The following GPC5 variants were observed in gnomAD, a reference collection of about 807,000 sequenced individuals.
GPC5 encodes the protein glypican 5, also known as glypican-5.
Under a neutral mutation model 53.9 loss-of-function variants are expected in GPC5, and 47 were observed. The ratio of observed to expected loss-of-function variants is 0.87; its 90% CI spans 0.69 to 1.11. The LOEUF (loss-of-function observed/expected upper bound fraction) is 1.11, where lower values mean the gene tolerates loss of function less well. Among genes scored for constraint, GPC5 ranks in the 50% most tolerant of loss-of-function variants. The pLI is 0.00. For missense variants in GPC5, 748 were observed against 713.1 expected, an observed-to-expected ratio of 1.05 and a Z score of -0.56; for synonymous variants, 286 against 263.3, an observed-to-expected ratio of 1.09 and a Z score of -0.84.
chr13:91,749,489 G>A (rs921038050), intron 4 of GPC5, among the ~76,000 whole-genome samples: 9 of 152,264 alleles, frequency 5.9e-5, no homozygotes, highest in African/African-American at 1.4e-4. Flanking sequence ...ATAAACATAC[G>A]ACTACAGGTA....
chr13:92,581,956 T>G (rs1883387809), intron 7 of GPC5, among the ~76,000 whole-genome samples: 1 of 152,166 alleles, frequency 6.6e-6, no homozygotes, highest in Non-Finnish European at 1.5e-5. Context: ...TATCAACGCA[T>G]TACCAGATGC....
chr13:91,950,589 C>T (rs752015323), intron 6 of GPC5, among the ~76,000 whole-genome samples: 2 of 152,050 alleles, frequency 1.3e-5, no homozygotes, highest in Non-Finnish European at 1.5e-5. Context: ...GTTTTCTCTT[C>T]CTTAAAGTTA....
chr13:92,383,606 G>A (rs887297754), intron 7 of GPC5, among the ~76,000 whole-genome samples: 5 of 152,140 alleles, frequency 3.3e-5, no homozygotes, highest in African/African-American at 1.2e-4. Context: ...AAGAAACACA[G>A]AGGAAATGCT....
At chr13:92,293,902 C>T (rs2043015589) in intron 7 of GPC5, among the ~76,000 whole-genome samples, 1 of 152,026 alleles carries the variant, frequency 6.6e-6, no homozygotes, top group African/African-American at 2.4e-5. Flanking sequence ...AATCATAAAG[C>T]AATAATGGAT....
chr13:92,140,577 T>A (rs575129764), intron 6 of GPC5, among the ~76,000 whole-genome samples: 1 of 152,232 alleles, frequency 6.6e-6, no homozygotes, highest in Admixed American at 6.5e-5. Context: ...TATCACTCTT[T>A]CTGTGACCCA....
chr13:91,443,642 G>A (rs1880597143), intron 1 of GPC5, among the ~76,000 whole-genome samples: 1 of 152,192 alleles, frequency 6.6e-6, no homozygotes, highest in Admixed American at 6.5e-5. Context: ...ATTTCTTCAA[G>A]AAGCGCTGAT....
chr13:92,036,736 T>C (rs909223430), intron 6 of GPC5, among the ~76,000 whole-genome samples: 1 of 152,214 alleles, frequency 6.6e-6, no homozygotes, highest in Non-Finnish European at 1.5e-5. Context: ...CTGCTCCTAC[T>C]CCAGCCTTAA....
intron 7 of GPC5, among the ~76,000 whole-genome samples, chr13:92,547,551 CT>C (rs1882161567): frequency 6.6e-6 from 1 of 152,108 alleles, no homozygotes; most frequent in Admixed American, 6.6e-5. Context: ...AAGGAATTAT[CT>C]TCTTATACAT....
intron 7 of GPC5, among the ~76,000 whole-genome samples, chr13:92,446,206 C>T (rs1444664509): frequency 2.7e-5 from 4 of 150,696 alleles, no homozygotes; most frequent in African/African-American, 9.8e-5. Flanking sequence ...TTTTTTTTTA[C>T]CCAATAATTA....
intron 2 of GPC5, among the ~76,000 whole-genome samples, chr13:91,594,463 C>T (rs975180221): frequency 1.3e-5 from 2 of 152,242 alleles, no homozygotes; most frequent in African/African-American, 4.8e-5. Flanking sequence ...GTATGTCTCT[C>T]CTTGAGCTTT....
chr13:92,717,286 C>T (rs1006499407), intron 7 of GPC5, among the ~76,000 whole-genome samples: 5 of 152,112 alleles, frequency 3.3e-5, no homozygotes, highest in South Asian at 2.1e-4. Flanking sequence ...AAAGGAGATC[C>T]TGGTTATGTG....
chr13:92,119,645 C>A (rs2041632338), intron 6 of GPC5, among the ~76,000 whole-genome samples: 1 of 136,120 alleles, frequency 7.3e-6, no homozygotes, highest in African/African-American at 2.7e-5. Flanking sequence ...TGGTCTCGAT[C>A]TCCTGACCTC....
chr13:92,213,841 A>G (rs1594002460), intron 7 of GPC5, among the ~76,000 whole-genome samples: 1 of 152,316 alleles, frequency 6.6e-6, no homozygotes, highest in Non-Finnish European at 1.5e-5. Flanking sequence ...TTAAAGCTGG[A>G]AGATTCAAGT....
At chr13:91,979,429 A>G (rs1323820777) in intron 6 of GPC5, among the ~76,000 whole-genome samples, 1 of 152,228 alleles carries the variant, frequency 6.6e-6, no homozygotes, top group African/African-American at 2.4e-5. Context: ...ATAATGTGTT[A>G]TCACATGTAT....
intron 6 of GPC5, among the ~76,000 whole-genome samples, chr13:92,076,483 A>AG (rs1391311675): frequency 2.0e-5 from 3 of 152,280 alleles, no homozygotes; most frequent in Non-Finnish European, 2.9e-5. Flanking sequence ...CATGAGCCAC[A>AG]GGTTGAAGAC....
Position 92,553,683 on chromosome 13 carries a change from T to C in GPC5, c.1562-312599T>C, listed in dbSNP as rs1419502292. 1.3e-5 allele frequency among the ~76,000 whole-genome samples: 2 copies of C among 151,964 alleles called. 1 individual carries two copies. The highest frequency in any genetic ancestry group is 2.9e-5 in the Non-Finnish European group (2 of 67,914). On this transcript the variant is annotated intron_variant, in intron 7 of 7. Coordinates refer to ENST00000377067, the MANE Select transcript of GPC5 (RefSeq NM_004466.6). Reference sequence around the variant, plus strand: ...ATCAAACCAGATGACTCAATCTTTCTGAGCAAAAGTGCTCTTTATCAGTTG... The same window carrying C: ...ATCAAACCAGATGACTCAATCTTTCCGAGCAAAAGTGCTCTTTATCAGTTG...
At chr13:92,216,228 C>T (rs1274810386) in intron 7 of GPC5, among the ~76,000 whole-genome samples, 1 of 152,166 alleles carries the variant, frequency 6.6e-6, no homozygotes, top group Non-Finnish European at 1.5e-5. Flanking sequence ...AAGTGCAAAA[C>T]AAGATTAAAA....
At chr13:92,183,034 A>G (rs996471018) in intron 7 of GPC5, among the ~76,000 whole-genome samples, 3 of 152,104 alleles carry the variant, frequency 2.0e-5, no homozygotes, top group Non-Finnish European at 4.4e-5. Flanking sequence ...TATGATATAT[A>G]CTAGTATGTA....
intron 2 of GPC5, among the ~76,000 whole-genome samples, chr13:91,560,641 G>A (rs2031206295): frequency 6.6e-6 from 1 of 152,046 alleles, no homozygotes; most frequent in African/African-American, 2.4e-5. Flanking sequence ...TCACCTACTT[G>A]TACACAAAGG....
Sources: gnomAD v4.1 joint callset for allele counts (sites outside exome capture counted in the v4.1 genomes callset) on GRCh38, gnomAD v4.1.1 for gene constraint, MANE v1.5 for transcripts, NCBI Gene and HGNC (gene_info 2026-07-23, HGNC 2026-07-21) for gene names.